The following SIAE variants were observed in gnomAD, a reference collection of about 807,000 sequenced individuals.
SIAE encodes sialate O-acetylesterase.
SIAE carries 39 observed loss-of-function variants against 52.6 expected under a neutral mutation model. The ratio of observed to expected loss-of-function variants is 0.74; its 90% CI spans 0.57 to 0.97. SIAE has a LOEUF of 0.97. SIAE is among the 50% of genes least tolerant of loss of function. The probability of loss-of-function intolerance (pLI) is 0.00; values close to 1 mark genes in which losing one functional copy is unlikely to be tolerated. For synonymous variants in SIAE, 233 were observed against 241.4 expected (o/e 0.97, Z 0.32); for missense variants, 592 against 662.1 (o/e 0.89, Z 1.16).
chr11:124,668,995 A>G (rs1273155465), intron 2 of SIAE, among the ~76,000 whole-genome samples: 3 of 152,154 alleles, frequency 2.0e-5, no homozygotes, highest in Non-Finnish European at 2.9e-5. Context: ...ATTCAGCTCA[A>G]ATACCATCTT....
rs753342169 is a variant in SIAE at position 124,638,659 on chromosome 11, ATTC to A, written c.1200_1202del (p.Lys400del). On this transcript the variant is annotated inframe_deletion, in exon 9 of 10. Coordinates refer to ENST00000263593, the MANE Select transcript of SIAE (RefSeq NM_170601.5). ...CAGGCAGTGGTCCTTCAAAGGTCAA[ATTC>A]TTCTCACCATAAGCCAGAGCACGGG... is the stretch of plus-strand genomic sequence containing the variant. 10 of 1,613,990 alleles carry A rather than the reference ATTC, an allele frequency of 6.2e-6. No homozygotes were observed. The highest frequency in any genetic ancestry group is 4.0e-5 in the African/African-American group (3 of 74,892).
chr11:124,657,035 C>T (rs957539304), intron 3 of SIAE, among the ~76,000 whole-genome samples: 2 of 152,176 alleles, frequency 1.3e-5, no homozygotes, highest in African/African-American at 2.4e-5. Flanking sequence ...GCCACTGAGC[C>T]GGCTGTGCCC....
At chr11:124,638,000 A>AGACT (rs996745552) in intron 9 of SIAE, among the ~76,000 whole-genome samples, 1 of 152,196 alleles carries the variant, frequency 6.6e-6, no homozygotes, top group African/African-American at 2.4e-5. Flanking sequence ...CAAATATCGA[A>AGACT]GACTCCTGAA....
rs1942750929 is a variant in SIAE at position 124,636,835 on chromosome 11, A to ATTC, written c.*113_*115dup. 1 of 1,440,752 alleles carries ATTC rather than the reference A, an allele frequency of 6.9e-7. No individual in the cohort carries two copies. The highest frequency in any genetic ancestry group is 1.4e-5 in the African/African-American group (1 of 71,318). The allele number at this position is 1,440,752 out of a possible 1,614,324, so 89.2% of individuals were successfully genotyped here. A position where few individuals can be genotyped will look rare whatever the true frequency, so the allele number is the denominator to read the frequency against. The stretch of plus-strand genomic sequence containing the variant: ...AACAGCCATGTGCTAGCTGAAAGCC[A>ATTC]TTCAATGAGGCTTTCTATTAATTTC... On this transcript the variant is annotated 3_prime_UTR_variant, in exon 10 of 10. Coordinates refer to ENST00000263593, the MANE Select transcript of SIAE (RefSeq NM_170601.5).
chr11:124,673,595 C>T lies in SIAE; in HGVS notation c.67+47G>A, dbSNP rs1276354980. The T allele has an allele frequency of 4.4e-6, 7 of 1,599,518 alleles. No individual in the cohort carries two copies. In the Admixed American group the frequency reaches 1.2e-4, roughly 27 times the overall value. ...CGCAGAGGACACGGGGTCTCGGAGCCCGCACAGGCTGAGGGGCAGGGGTCC... is the reference window on the plus strand; with the variant it reads ...CGCAGAGGACACGGGGTCTCGGAGCTCGCACAGGCTGAGGGGCAGGGGTCC... On this transcript the variant is annotated intron_variant, in intron 1 of 9. Coordinates refer to ENST00000263593, the MANE Select transcript of SIAE (RefSeq NM_170601.5).
chr11:124,662,457 C>A (rs753890245), intron 2 of SIAE, among the ~76,000 whole-genome samples: 6 of 152,202 alleles, frequency 3.9e-5, no homozygotes, highest in South Asian at 2.1e-4. Flanking sequence ...AAACCAAGGA[C>A]TATTTCTTAG....
rs1016337050 is a variant in SIAE, at chr11:124,645,580, C to T, written c.966+1785G>A. Among the ~76,000 whole-genome samples the T allele has an allele frequency of 6.6e-6, 1 of 152,138 alleles. No homozygotes were observed. The highest frequency in any genetic ancestry group is 2.4e-5 in the African/African-American group (1 of 41,414). ...CCTCCCAGAGTGCTGGGATTACAAG[C>T]GTGAGCCACCAAGCCCGGCCTGATT... On this transcript the variant is annotated intron_variant, in intron 7 of 9. Coordinates refer to ENST00000263593, the MANE Select transcript of SIAE (RefSeq NM_170601.5). This position sits in a 1 kb window ranked among gnomAD's most constrained non-coding sequence, Gnocchi z 4.7.
intron 2 of SIAE, 65 bp from the exon 3 acceptor site, chr11:124,660,868 T>C: frequency 6.4e-7 from 1 of 1,571,092 alleles, no homozygotes; most frequent in South Asian, 1.1e-5. Flanking sequence ...AGCCCAATTA[T>C]ACTCATTTGT....
intron 3 of SIAE, among the ~76,000 whole-genome samples, chr11:124,656,090 G>T (rs147660923): frequency 6.6e-6 from 1 of 151,972 alleles, no homozygotes; most frequent in Non-Finnish European, 1.5e-5. Context: ...GTTTAGACTC[G>T]GGTCCCGTCC....
At chr11:124,668,057 C>T (rs976065745) in intron 2 of SIAE, among the ~76,000 whole-genome samples, 2 of 152,266 alleles carry the variant, frequency 1.3e-5, no homozygotes, top group South Asian at 2.1e-4. Context: ...AAAATCTGTC[C>T]GTTTAGAATA....
At chr11:124,675,846 A>T (rs1417514369), upstream of SIAE, 1 of 157,134 alleles carries the variant, frequency 6.4e-6, no homozygotes, top group South Asian at 1.9e-4. Context: ...CTTCCATTTG[A>T]AAGTATTTTA....
At chr11:124,675,340 G>C, upstream of SIAE, 1 of 1,614,178 alleles carries the variant, frequency 6.2e-7, no homozygotes, top group South Asian at 1.1e-5. Context: ...GCTGACACGC[G>C]AGATTCTGAG....
chr11:124,675,700 C>T (rs541971053), upstream of SIAE: 34 of 252,218 alleles, frequency 1.3e-4, no homozygotes, highest in South Asian at 1.4e-3. Context: ...ATACATTTCT[C>T]GGGAGAAATC....
intron 5 of SIAE, among the ~76,000 whole-genome samples, chr11:124,648,934 C>T (rs1360799153): frequency 6.6e-6 from 1 of 152,302 alleles, no homozygotes; most frequent in East Asian, 1.9e-4. Flanking sequence ...ACAGGGCTTC[C>T]CAGCGTGAAT....
In SIAE at chr11:124,646,451, G is replaced by A. The variant is rs146689325; in HGVS notation, c.966+914C>T. Among the ~76,000 whole-genome samples, 916 of 152,224 alleles carry A rather than the reference G, an allele frequency of 6.0e-3. 8 individuals are homozygous for A. Among genetic ancestry groups the A allele is most frequent in the Admixed American group, 0.011 (164 of 15,300 alleles). On this transcript the variant is annotated intron_variant, in intron 7 of 9. Transcript: ENST00000263593. ...AGAAGGCTTCCTAACTAATATGTAG[G>A]CTGTCTGGGACCTAAAGGATGATTA...
Position 124,634,698 on chromosome 11 carries a change from C to T in SIAE, c.*2253G>A, listed in dbSNP as rs1942684064. 2 of 152,130 alleles carry T rather than the reference C, an allele frequency of 1.3e-5. No homozygotes were observed. The highest frequency in any genetic ancestry group is 6.6e-5 in the Admixed American group (1 of 15,262). 9.4% of individuals were successfully genotyped at this position (152,130 alleles called of 1,614,324 possible). A position where few individuals can be genotyped will look rare whatever the true frequency, so the allele number is the denominator to read the frequency against. On this transcript the variant is annotated 3_prime_UTR_variant, in exon 10 of 10. Transcript: ENST00000263593. ...AGGAAATTGGTTAAATAAAATGAGG[C>T]TTCCACAAACTGAAACACTCTAAAT...
At chr11:124,640,520 G>A (rs1310233042) in intron 7 of SIAE, among the ~76,000 whole-genome samples, 2 of 152,076 alleles carry the variant, frequency 1.3e-5, no homozygotes, top group African/African-American at 2.4e-5. Context: ...CTAAGTTTTG[G>A]GGTAGCTTGT....
chr11:124,661,727 AT>A (rs1379822950), intron 2 of SIAE, among the ~76,000 whole-genome samples: 5 of 152,276 alleles, frequency 3.3e-5, no homozygotes, highest in African/African-American at 1.2e-4. Context: ...GGAAATTAAC[AT>A]TTTAAAATAA....
intron 3 of SIAE, chr11:124,660,301 A>C (rs1943167386): frequency 3.0e-6 from 1 of 337,862 alleles, no homozygotes; most frequent in African/African-American, 2.2e-5. Flanking sequence ...AAAAAAGAAA[A>C]AAAAAAAAAA....
Sources: allele counts gnomAD v4.1 joint callset (sites outside exome capture counted in the v4.1 genomes callset), GRCh38; gene constraint gnomAD v4.1.1; non-coding constraint Gnocchi (gnomAD v3.1); transcripts MANE v1.5; gene names NCBI Gene and HGNC (gene_info 2026-07-23, HGNC 2026-07-21).